ADAMTS2: variants seen among roughly 807,000 people sequenced by gnomAD.
ADAMTS2 encodes A disintegrin and metalloproteinase with thrombospondin motifs 2.
In ADAMTS2, 50 loss-of-function variants were observed where a neutral mutation model predicts 123.0. That is an observed-to-expected ratio of 0.41 (90% confidence interval 0.32 to 0.51). The LOEUF (loss-of-function observed/expected upper bound fraction) is 0.51, where lower values mean the gene tolerates loss of function less well. Ranked by LOEUF, ADAMTS2 falls within the 20% of genes least tolerant of loss-of-function variation. The pLI is 0.35. For synonymous variants in ADAMTS2, 678 were observed against 695.4 expected (o/e 0.98, Z 0.39); for missense variants, 1,494 against 1,705.2 (o/e 0.88, Z 2.18).
intron 3 of ADAMTS2, among the ~76,000 whole-genome samples, chr5:179,255,656 G>C (rs1376143621): frequency 6.6e-6 from 1 of 152,146 alleles, no homozygotes; most frequent in Admixed American, 6.5e-5. Flanking sequence ...GGTCAGCAAA[G>C]CCCTGAGGTA....
chr5:179,166,907 C>T (rs182293550), intron 5 of ADAMTS2, among the ~76,000 whole-genome samples: 1 of 152,186 alleles, frequency 6.6e-6, no homozygotes, highest in Non-Finnish European at 1.5e-5. Flanking sequence ...AGGCAGCGAA[C>T]GCGGCCAGAG....
intron 2 of ADAMTS2, among the ~76,000 whole-genome samples, chr5:179,331,217 T>C (rs1263871358): frequency 7.1e-6 from 1 of 140,834 alleles, no homozygotes; most frequent in African/African-American, 2.7e-5. Flanking sequence ...TGAAAGACTC[T>C]GGGAAAGAAA....
At chr5:179,224,872 C>G (rs1005600874) in intron 3 of ADAMTS2, among the ~76,000 whole-genome samples, 1 of 152,120 alleles carries the variant, frequency 6.6e-6, no homozygotes, top group Non-Finnish European at 1.5e-5. Context: ...TCTGCCACCT[C>G]GGCTCCACGC....
chr5:179,137,963 G>T lies in ADAMTS2; in HGVS notation c.1776-19C>A, dbSNP rs1489823161. The T allele has an allele frequency of 1.3e-6, 2 of 1,541,726 alleles. No individual in the cohort carries two copies. Among genetic ancestry groups the T allele is most frequent in the South Asian group, 1.2e-5 (1 of 84,064 alleles). On this transcript the variant is annotated intron_variant, in intron 11 of 21. Coordinates refer to ENST00000251582, the MANE Select transcript of ADAMTS2 (RefSeq NM_014244.5). Reference sequence around the variant, plus strand: ...GGCCGGGCTGGAGGAGAAAGCAAAGGCCTTGCCGCTCCGTGCCATTGGAAA... The same window carrying T: ...GGCCGGGCTGGAGGAGAAAGCAAAGTCCTTGCCGCTCCGTGCCATTGGAAA...
chr5:179,241,458 G>C (rs1409985319), intron 3 of ADAMTS2, among the ~76,000 whole-genome samples: 1 of 152,190 alleles, frequency 6.6e-6, no homozygotes, highest in Non-Finnish European at 1.5e-5. Flanking sequence ...AGGCGAGTTC[G>C]GGTTGTTATT....
At chr5:179,335,224 GAC>G (rs565592894) in intron 2 of ADAMTS2, among the ~76,000 whole-genome samples, 155 of 151,652 alleles carry the variant, frequency 1.0e-3, no homozygotes, top group African/African-American at 3.6e-3. Context: ...AAAAAAAAAA[GAC>G]ACAGGTGAAA....
Position 179,314,130 on chromosome 5 carries a change from C to T in ADAMTS2, c.534+29637G>A, listed in dbSNP as rs868782226. 5.4e-4 allele frequency among the ~76,000 whole-genome samples: 82 copies of T among 152,388 alleles called. No homozygotes were observed. Among genetic ancestry groups the T allele is most frequent in the African/African-American group, 1.9e-3 (80 of 41,594 alleles). On this transcript the variant is annotated intron_variant, in intron 2 of 21. Coordinates refer to ENST00000251582, the MANE Select transcript of ADAMTS2 (RefSeq NM_014244.5). The surrounding 1 kb of genome is among the most constrained non-coding windows in gnomAD (Gnocchi z 4.5). ...CCTCCAGCTTCAGGCTCTGCATCCACACGGAGGCTTCGGATTGGGCGCAGC... is the reference window on the plus strand; with the variant it reads ...CCTCCAGCTTCAGGCTCTGCATCCATACGGAGGCTTCGGATTGGGCGCAGC...
chr5:179,345,447 C>T lies in ADAMTS2; in HGVS notation c.-119G>A, dbSNP rs1757926568. 1 of 810,474 alleles carries T rather than the reference C, an allele frequency of 1.2e-6. No homozygotes were observed. Among genetic ancestry groups the T allele is most frequent in the Non-Finnish European group, 1.5e-6 (1 of 680,826 alleles). The allele number at this position is 810,474 out of a possible 1,614,324, so 50.2% of individuals were successfully genotyped here. On this transcript the variant is annotated 5_prime_UTR_variant, in exon 1 of 22. Coordinates refer to ENST00000251582, the MANE Select transcript of ADAMTS2 (RefSeq NM_014244.5). The surrounding 1 kb of genome is among the most constrained non-coding windows in gnomAD (Gnocchi z 7.5). ...CCCGCAGCTGCAGCACCGCAGGGCG[C>T]GGGGCGGAGGAGGCGAGGCGCGGAG...
intron 2 of ADAMTS2, among the ~76,000 whole-genome samples, chr5:179,294,930 T>C (rs1405302272): frequency 2.0e-5 from 3 of 152,240 alleles, no homozygotes; most frequent in African/African-American, 4.8e-5. Context: ...AGAGTCACTG[T>C]GCAGACTCCT....
chr5:179,141,115 G>T (rs1395018401), intron 10 of ADAMTS2, among the ~76,000 whole-genome samples: 6 of 151,954 alleles, frequency 3.9e-5, no homozygotes, highest in Non-Finnish European at 1.5e-5. Context: ...GCGCCCGGCC[G>T]ACTGCATACT....
chr5:179,337,374 CAT>C (rs1491248285), intron 2 of ADAMTS2, among the ~76,000 whole-genome samples: 3 of 152,174 alleles, frequency 2.0e-5, no homozygotes, highest in Admixed American at 6.5e-5. Flanking sequence ...CAGACACACT[CAT>C]GTGCACACAC....
At chr5:179,143,628 T>C (rs772844672) in intron 10 of ADAMTS2, among the ~76,000 whole-genome samples, 2 of 152,138 alleles carry the variant, frequency 1.3e-5, no homozygotes, top group Non-Finnish European at 2.9e-5. Flanking sequence ...CTGGATGGGA[T>C]TGGGGGCCTT....
intron 2 of ADAMTS2, among the ~76,000 whole-genome samples, chr5:179,315,901 G>A (rs1167785595): frequency 1.3e-5 from 2 of 152,230 alleles, no homozygotes; most frequent in East Asian, 1.9e-4. Flanking sequence ...GCTGCGAGAC[G>A]TGGGCAAGTC....
intron 4 of ADAMTS2, among the ~76,000 whole-genome samples, chr5:179,194,818 G>T (rs1033330371): frequency 3.3e-5 from 5 of 152,144 alleles, no homozygotes; most frequent in Non-Finnish European, 7.4e-5. Flanking sequence ...GCAAATGTGA[G>T]TTCCCCTCCT....
At chr5:179,244,512 T>C (rs1765738794) in intron 3 of ADAMTS2, among the ~76,000 whole-genome samples, 1 of 152,226 alleles carries the variant, frequency 6.6e-6, no homozygotes, top group Non-Finnish European at 1.5e-5. Flanking sequence ...AAGGAAGTTC[T>C]TCAAGCTGAA....
intron 3 of ADAMTS2, among the ~76,000 whole-genome samples, chr5:179,267,928 T>C (rs1421343567): frequency 6.6e-6 from 1 of 152,172 alleles, no homozygotes; most frequent in East Asian, 1.9e-4. Context: ...TCCTTTCGCA[T>C]GGTGATAGGG....
Position 179,158,646 on chromosome 5 carries a change from G to C in ADAMTS2, c.1132+77C>G. 6.2e-7 allele frequency: 1 copy of C among 1,603,994 alleles called. No individual in the cohort carries two copies. The highest frequency in any genetic ancestry group is 1.1e-5 in the South Asian group (1 of 90,702). ...ACACTCTTCCCTGGGCTGGGCCAAG[G>C]CTCCCGGGGCCCCTTGCATGGCCAG... On this transcript the variant is annotated intron_variant, in intron 6 of 21. Coordinates refer to ENST00000251582, the MANE Select transcript of ADAMTS2 (RefSeq NM_014244.5). This position sits in a 1 kb window ranked among gnomAD's most constrained non-coding sequence, Gnocchi z 5.0.
chr5:179,117,258 T>C lies in ADAMTS2; in HGVS notation c.3179-2934A>G, dbSNP rs1352216821. Among the ~76,000 whole-genome samples, 1 of 152,082 alleles carries C rather than the reference T, an allele frequency of 6.6e-6. No individual in the cohort carries two copies. Among genetic ancestry groups the C allele is most frequent in the Non-Finnish European group, 1.5e-5 (1 of 68,006 alleles). Reference sequence around the variant, plus strand: ...GGTGGCCTCCCTTCTCCCTACCCCATAGGCTTTGACAAAGGAGGGAGCCTG... The same window carrying C: ...GGTGGCCTCCCTTCTCCCTACCCCACAGGCTTTGACAAAGGAGGGAGCCTG... On this transcript the variant is annotated intron_variant, in intron 21 of 21. Transcript: ENST00000251582. This position sits in a 1 kb window ranked among gnomAD's most constrained non-coding sequence, Gnocchi z 4.2.
rs1336879630 is a variant in ADAMTS2, at chr5:179,314,133, G to A, written c.534+29634C>T. Among the ~76,000 whole-genome samples, 1 of 152,242 alleles carries A rather than the reference G, an allele frequency of 6.6e-6. No individual in the cohort carries two copies. The highest frequency in any genetic ancestry group is 1.5e-5 in the Non-Finnish European group (1 of 68,036). ...CCAGCTTCAGGCTCTGCATCCACACGGAGGCTTCGGATTGGGCGCAGCCTG... is the reference window on the plus strand; with the variant it reads ...CCAGCTTCAGGCTCTGCATCCACACAGAGGCTTCGGATTGGGCGCAGCCTG... On this transcript the variant is annotated intron_variant, in intron 2 of 21. Coordinates refer to ENST00000251582, the MANE Select transcript of ADAMTS2 (RefSeq NM_014244.5). The surrounding 1 kb of genome is among the most constrained non-coding windows in gnomAD (Gnocchi z 4.5).
Sources: allele counts gnomAD v4.1 joint callset (sites outside exome capture counted in the v4.1 genomes callset), GRCh38; gene constraint gnomAD v4.1.1; non-coding constraint Gnocchi (gnomAD v3.1); transcripts MANE v1.5; gene names NCBI Gene and HGNC (gene_info 2026-07-23, HGNC 2026-07-21).